Variants in YTHDC2 observed in about 807,000 individuals in gnomAD.
YTHDC2 encodes the protein 3'-5' RNA helicase YTHDC2.
In YTHDC2, 45 loss-of-function variants were observed where a neutral mutation model predicts 174.9. The observed-to-expected ratio is 0.26, with a 90% CI of 0.20 to 0.33. The LOEUF (loss-of-function observed/expected upper bound fraction) is 0.33. Among genes scored for constraint, YTHDC2 ranks in the 10% least tolerant of loss-of-function variants. YTHDC2 has a pLI of 1.00. For synonymous variants in YTHDC2, 657 were observed against 574.5 expected, an observed-to-expected ratio of 1.14 and a Z score of -2.05; for missense variants, 1,650 against 1,723.7, an observed-to-expected ratio of 0.96 and a Z score of 0.76.
At chr5:113,582,430 A>G (rs1778456426) in intron 25 of YTHDC2, 1 of 152,184 alleles carries the variant, frequency 6.6e-6, no homozygotes, top group Non-Finnish European at 1.5e-5. Flanking sequence ...TAAAAAATAT[A>G]TTTTAGTAAT....
intron 2 of YTHDC2, among the ~76,000 whole-genome samples, chr5:113,517,981 C>T (rs941742348): frequency 7.2e-5 from 11 of 151,738 alleles, no homozygotes; most frequent in African/African-American, 2.4e-4. Flanking sequence ...CTCCACCTCC[C>T]GGGTTCACGC....
chr5:113,565,441 A>G (rs753181745), intron 20 of YTHDC2, among the ~76,000 whole-genome samples: 1 of 152,120 alleles, frequency 6.6e-6, no homozygotes, highest in Non-Finnish European at 1.5e-5. Flanking sequence ...CACAGAGGAG[A>G]GCTTTTTATA....
chr5:113,514,182 G>A, intron 1 of YTHDC2, 100 bp downstream of exon 1: 1 of 1,441,392 alleles, frequency 6.9e-7, no homozygotes, highest in Admixed American at 2.0e-5. Context: ...TGCCTCCGAA[G>A]AGGGAGGGAA....
At chr5:113,574,348 C>T (rs908021171) in intron 23 of YTHDC2, among the ~76,000 whole-genome samples, 2 of 151,932 alleles carry the variant, frequency 1.3e-5, no homozygotes, top group African/African-American at 4.8e-5. Context: ...AAGTTCTGTC[C>T]TGGGGGTTAT....
At chr5:113,578,662 C>T (rs184894480) in intron 23 of YTHDC2, among the ~76,000 whole-genome samples, 8 of 152,050 alleles carry the variant, frequency 5.3e-5, no homozygotes, top group East Asian at 1.9e-4. Context: ...GTACATATTC[C>T]GGTATGTAGG....
chr5:113,553,577 ATTC>A lies in YTHDC2; in HGVS notation c.1868-8_1868-6del. On this transcript the variant is annotated splice_polypyrimidine_tract_variant and intron_variant, in intron 13 of 29. Transcript: ENST00000161863. ...CAATGAGATTTAATATTAAAAAGTC[ATTC>A]TTCTCCAAGGTGCAGTACTAATTTT... The A allele has an allele frequency of 3.1e-6, 5 of 1,610,530 alleles. No individual in the cohort carries two copies. The highest frequency in any genetic ancestry group is 4.2e-6 in the Non-Finnish European group (5 of 1,178,134).
chr5:113,567,557 C>G (rs1304096484), intron 22 of YTHDC2, 97 bp from the exon 23 acceptor site: 24 of 1,081,384 alleles, frequency 2.2e-5, no homozygotes, highest in East Asian at 5.3e-5. Context: ...TAATATACAT[C>G]ATCTATTTCA....
At chr5:113,549,160 C>T in intron 12 of YTHDC2, 140 bp downstream of exon 12, 1 of 640,888 alleles carries the variant, frequency 1.6e-6, no homozygotes. Flanking sequence ...AGGAAATTTT[C>T]TGTCTGATCT....
At chr5:113,565,648 G>A (rs757957428) in intron 20 of YTHDC2, 6 of 291,872 alleles carry the variant, frequency 2.1e-5, no homozygotes, top group South Asian at 8.3e-5. Context: ...TTTTTACATT[G>A]TTAGTCATTT....
rs1774248051 is a variant in YTHDC2, at chr5:113,526,524, T to C, written c.476-62T>C. 24 of 1,406,386 alleles carry C rather than the reference T, an allele frequency of 1.7e-5. 1 individual carries two copies. The highest frequency in any genetic ancestry group is 2.1e-5 in the Non-Finnish European group (22 of 1,050,942). The allele number at this position is 1,406,386 out of a possible 1,614,324, so 87.1% of individuals were successfully genotyped here. ...TAGGTTTGGCAAAAAAAATTACTTA[T>C]TTTTAACACTTCTTTTTCCGTGTTG... On this transcript the variant is annotated intron_variant, in intron 3 of 29. Coordinates refer to ENST00000161863, the MANE Select transcript of YTHDC2 (RefSeq NM_022828.5).
At chr5:113,516,772 A>G (rs1186407566) in intron 2 of YTHDC2, among the ~76,000 whole-genome samples, 24 of 152,222 alleles carry the variant, frequency 1.6e-4, no homozygotes, top group Admixed American at 1.6e-3. Flanking sequence ...TATTAAGTAA[A>G]TATATTAATA....
chr5:113,590,935 A>G, intron 26 of YTHDC2, 106 bp from the exon 27 acceptor site: 1 of 903,632 alleles, frequency 1.1e-6, no homozygotes. Flanking sequence ...TGTTGAATAT[A>G]TGATAAAATA....
chr5:113,591,148 T>C lies in YTHDC2; in HGVS notation c.3933T>C (p.Ser1311=). Reference sequence around the variant, plus strand: ...TTTCTCAACAGAAGGGTATCTGGTCTACAACTCCTAGTAATGAACGGAAGC... The same window carrying C: ...TTTCTCAACAGAAGGGTATCTGGTCCACAACTCCTAGTAATGAACGGAAGC... ...LEISQQKGIW[S]TTPSNERKLN... is the part of the protein sequence containing the mutation. The change falls in exon 27 of 30, where the codon TCT becomes TCC. Residue 1311 remains serine, a synonymous_variant. Transcript: ENST00000161863. The C allele has an allele frequency of 6.2e-7, 1 of 1,614,018 alleles. No homozygotes were observed. Among genetic ancestry groups the C allele is most frequent in the South Asian group, 1.1e-5 (1 of 91,086 alleles).
chr5:113,539,297 A>G (rs1775291113), intron 8 of YTHDC2, 116 bp downstream of exon 8: 1 of 436,252 alleles, frequency 2.3e-6, no homozygotes, highest in Non-Finnish European at 4.1e-6. Flanking sequence ...TCTCTTGTAT[A>G]TAATTGTATA....
intron 19 of YTHDC2, 32 bp downstream of exon 19, chr5:113,563,524 C>T (rs1297922654): frequency 6.5e-7 from 1 of 1,545,130 alleles, no homozygotes; most frequent in Non-Finnish European, 8.7e-7. Flanking sequence ...TTTTACATGA[C>T]ATTTTTACTT....
intron 5 of YTHDC2, among the ~76,000 whole-genome samples, chr5:113,533,974 A>C (rs907172339): frequency 3.3e-5 from 5 of 152,310 alleles, no homozygotes; most frequent in Non-Finnish European, 4.4e-5. Flanking sequence ...CCTTCTTGAC[A>C]AGTAGTACTT....
intron 17 of YTHDC2, 69 bp from the exon 18 acceptor site, chr5:113,561,011 C>T: frequency 5.5e-6 from 7 of 1,276,204 alleles, no homozygotes; most frequent in South Asian, 1.7e-5. Context: ...TCCTAAATCA[C>T]ATTGCGTTTA....
intron 7 of YTHDC2, among the ~76,000 whole-genome samples, chr5:113,537,449 C>G (rs1290253474): frequency 6.7e-6 from 1 of 148,814 alleles, no homozygotes; most frequent in African/African-American, 2.5e-5. Context: ...TTCATTATAT[C>G]CCATGCTTTC....
intron 23 of YTHDC2, among the ~76,000 whole-genome samples, chr5:113,570,727 T>G (rs914539640): frequency 1.3e-5 from 2 of 152,116 alleles, no homozygotes; most frequent in African/African-American, 4.8e-5. Context: ...CTCAGCTCAC[T>G]GCAACCTCCG....
Sources: allele counts gnomAD v4.1 joint callset (sites outside exome capture counted in the v4.1 genomes callset), GRCh38; gene constraint gnomAD v4.1.1; transcripts MANE v1.5; gene names NCBI Gene and HGNC (gene_info 2026-07-23, HGNC 2026-07-21).